LHFPL2: variants seen among roughly 807,000 people sequenced by gnomAD.
LHFPL2 encodes LHFPL tetraspan subfamily member 2 protein.
A neutral mutation model predicts 17.5 loss-of-function variants in LHFPL2; 7 were observed. The observed-to-expected ratio is 0.40, with a 90% CI of 0.23 to 0.75. The LOEUF is 0.75. Ranked by LOEUF, LHFPL2 falls within the 30% of genes least tolerant of loss-of-function variation. The pLI is 0.37. For synonymous variants in LHFPL2, 134 were observed against 116.2 expected (o/e 1.15, Z -0.99); for missense variants, 241 against 294.8 (o/e 0.82, Z 1.34).
At position 78,487,206 on chromosome 5, in the gene LHFPL2, T is replaced by C. The variant is rs11743650; in HGVS notation, c.*1691A>G. 31,675 of 152,114 alleles carry C rather than the reference T, an allele frequency of 0.21. 4,398 individuals are homozygous for C. Among genetic ancestry groups the C allele is most frequent in the Non-Finnish European group, 0.3 (20,345 of 67,968 alleles). The allele number at this position is 152,114 out of a possible 1,614,324, so 9.4% of individuals were successfully genotyped here. On this transcript the variant is annotated 3_prime_UTR_variant, in exon 5 of 5. Transcript: ENST00000380345. ...TAGCCCTTAATCTGTGAGAAGATGG[T>C]TTCTCATATAGGCCAAACACCAGAA... is the stretch of plus-strand genomic sequence containing the variant.
chr5:78,595,623 C>T (rs1376319813), intron 2 of LHFPL2, among the ~76,000 whole-genome samples: 4 of 152,134 alleles, frequency 2.6e-5, no homozygotes, highest in South Asian at 2.1e-4. Context: ...GCAATTCTCC[C>T]GCCTCAGCCT....
At position 78,485,374 on chromosome 5, in the gene LHFPL2, T is replaced by C. The variant is rs1754203732; in HGVS notation, c.*3523A>G. On this transcript the variant is annotated 3_prime_UTR_variant, in exon 5 of 5. Transcript: ENST00000380345. ...TACAAGTTTGAAGGCTCAAATTGAG[T>C]CCATCAGCTGTAAATACAATTTTAT... 1.3e-5 allele frequency: 2 copies of C among 152,612 alleles called. No individual in the cohort carries two copies. The highest frequency in any genetic ancestry group is 2.4e-5 in the African/African-American group (1 of 41,444). 9.5% of individuals were successfully genotyped at this position (152,612 alleles called of 1,614,324 possible). A position where few individuals can be genotyped will look rare whatever the true frequency, so the allele number is the denominator to read the frequency against.
rs1485116640 is a variant in LHFPL2 at position 78,598,786 on chromosome 5, C to T, written c.-245+33478G>A. ...AGAATGCTGCTTTTCAAAGTATTCT[C>T]AAATGAGAACAATGACAATCATGAA... On this transcript the variant is annotated intron_variant, in intron 2 of 4. Transcript: ENST00000380345. Among the ~76,000 whole-genome samples the T allele has an allele frequency of 5.3e-5, 8 of 152,250 alleles. No individual in the cohort carries two copies. In the East Asian group the frequency reaches 1.4e-3, roughly 26 times the overall value.
chr5:78,492,166 G>GCAC (rs1379051335), intron 4 of LHFPL2, among the ~76,000 whole-genome samples: 1 of 152,138 alleles, frequency 6.6e-6, no homozygotes, highest in Non-Finnish European at 1.5e-5. Context: ...CCCCAGCCCG[G>GCAC]CACGCAAAGG....
intron 3 of LHFPL2, among the ~76,000 whole-genome samples, chr5:78,514,602 T>C (rs1383741416): frequency 6.6e-6 from 1 of 152,154 alleles, no homozygotes; most frequent in Non-Finnish European, 1.5e-5. Flanking sequence ...AAAGTGTATG[T>C]GAAGCCAGAA....
chr5:78,570,343 A>G (rs1756963461), intron 2 of LHFPL2, among the ~76,000 whole-genome samples: 1 of 152,192 alleles, frequency 6.6e-6, no homozygotes, highest in African/African-American at 2.4e-5. Flanking sequence ...TTCCGGCATG[A>G]GAAGAAAGCG....
At position 78,509,869 on chromosome 5, in the gene LHFPL2, G is replaced by A; in HGVS notation, c.345C>T (p.Ala115=). 1.2e-6 allele frequency: 2 copies of A among 1,613,902 alleles called. No homozygotes were observed. Among genetic ancestry groups the A allele is most frequent in the Non-Finnish European group, 8.5e-7 (1 of 1,180,044 alleles). ...CACACATGGTGAAGACGGACACCAA[G>A]GCCACCATGCAGAGAATAAAGATTC... ...AVGIFILCMV[A]LVSVFTMCVQ... is the part of the protein sequence containing the mutation. The change falls in exon 4 of 5, where the codon GCC becomes GCT. Residue 115 remains alanine (A), a synonymous_variant. Transcript: ENST00000380345.
chr5:78,584,568 G>C (rs10062048), intron 2 of LHFPL2, among the ~76,000 whole-genome samples: 1 of 151,978 alleles, frequency 6.6e-6, no homozygotes, highest in African/African-American at 2.4e-5. Flanking sequence ...TGCCCCTGCT[G>C]GGGGGGTGCC....
chr5:78,545,334 G>T (rs1315726165), intron 3 of LHFPL2, among the ~76,000 whole-genome samples: 1 of 152,168 alleles, frequency 6.6e-6, no homozygotes, highest in African/African-American at 2.4e-5. Context: ...TCAAGAGTAG[G>T]ATTTCTCTGT....
At chr5:78,556,976 T>C (rs12517205) in intron 3 of LHFPL2, among the ~76,000 whole-genome samples, 1 of 151,522 alleles carries the variant, frequency 6.6e-6, no homozygotes, top group Non-Finnish European at 1.5e-5. Flanking sequence ...TTTTTTTTTA[T>C]ACTTTAAGTT....
chr5:78,644,064 A>C (rs1745773758), intron 1 of LHFPL2, among the ~76,000 whole-genome samples: 1 of 152,218 alleles, frequency 6.6e-6, no homozygotes, highest in Non-Finnish European at 1.5e-5. Flanking sequence ...TTCATCTCAA[A>C]AGGAAAATAA....
chr5:78,498,404 T>C (rs1342894054), intron 4 of LHFPL2, among the ~76,000 whole-genome samples: 2 of 152,168 alleles, frequency 1.3e-5, no homozygotes, highest in Non-Finnish European at 2.9e-5. Context: ...CTTCCCTCTG[T>C]TTTCTACGTT....
At chr5:78,519,202 A>C (rs1185398528) in intron 3 of LHFPL2, among the ~76,000 whole-genome samples, 2 of 152,132 alleles carry the variant, frequency 1.3e-5, no homozygotes, top group Admixed American at 6.5e-5. Context: ...AATCCACAGA[A>C]GAAAAACTAG....
chr5:78,600,458 G>C (rs1743972954), intron 2 of LHFPL2, among the ~76,000 whole-genome samples: 1 of 152,166 alleles, frequency 6.6e-6, no homozygotes, highest in African/African-American at 2.4e-5. Flanking sequence ...GCCATGTGCA[G>C]TGGCTCACAC....
intron 2 of LHFPL2, among the ~76,000 whole-genome samples, chr5:78,594,132 CCAGA>C (rs1016412280): frequency 2.6e-5 from 4 of 152,140 alleles, no homozygotes; most frequent in African/African-American, 9.7e-5. Flanking sequence ...AGTATGGGGG[CCAGA>C]CAGTTATCCT....
chr5:78,516,011 G>C (rs753012944), intron 3 of LHFPL2, among the ~76,000 whole-genome samples: 2 of 152,104 alleles, frequency 1.3e-5, no homozygotes, highest in Non-Finnish European at 2.9e-5. Flanking sequence ...AGCATGAAAC[G>C]ATCTGCCCAA....
At chr5:78,625,940 G>A (rs534363508) in intron 2 of LHFPL2, 5 of 152,374 alleles carry the variant, frequency 3.3e-5, no homozygotes, top group African/African-American at 1.2e-4. Flanking sequence ...GGGGACTGAA[G>A]CATTCTGGAA....
chr5:78,517,708 A>G lies in LHFPL2; in HGVS notation c.-185-7310T>C, dbSNP rs374486472. 2.0e-5 allele frequency among the ~76,000 whole-genome samples: 3 copies of G among 152,154 alleles called. No individual in the cohort carries two copies. The East Asian group carries it at 5.8e-4, about 29-fold the overall frequency. ...TGGGAAAAACTCGCCCCCATGATTC[A>G]ATTACCTCCCATTGGGTCCCTCCCA... On this transcript the variant is annotated intron_variant, in intron 3 of 4. Coordinates refer to ENST00000380345, the MANE Select transcript of LHFPL2 (RefSeq NM_005779.3).
intron 2 of LHFPL2, among the ~76,000 whole-genome samples, chr5:78,575,417 C>T (rs534047571): frequency 6.6e-6 from 1 of 152,090 alleles, no homozygotes; most frequent in African/African-American, 2.4e-5. Flanking sequence ...GGCGTGGTGG[C>T]ACGCACCTGT....
Sources: allele counts gnomAD v4.1 joint callset (sites outside exome capture counted in the v4.1 genomes callset), GRCh38; gene constraint gnomAD v4.1.1; transcripts MANE v1.5; gene names NCBI Gene and HGNC (gene_info 2026-07-23, HGNC 2026-07-21).